CNTNAP2: variants seen among roughly 807,000 people sequenced by gnomAD.
CNTNAP2 encodes contactin associated protein 2, also known as contactin-associated protein-like 2.
Under a neutral mutation model 155.2 loss-of-function variants are expected in CNTNAP2, and 98 were observed. That is an observed-to-expected ratio of 0.63 (90% CI 0.54 to 0.75). CNTNAP2 has a LOEUF of 0.75. CNTNAP2 is among the 30% of genes least tolerant of loss of function. The pLI is 0.00. For missense variants in CNTNAP2, 1,727 were observed against 1,688.1 expected, an observed-to-expected ratio of 1.02 and a Z score of -0.40; for synonymous variants, 651 against 631.2, an observed-to-expected ratio of 1.03 and a Z score of -0.47.
rs368779879 is a variant in CNTNAP2 at position 148,145,972 on chromosome 7, G to A, written c.2555-1519G>A. On this transcript the variant is annotated intron_variant, in intron 16 of 23. Transcript: ENST00000361727. ...GGTACAATTAGGTTGATTAAATTGA[G>A]CTCTGTGTCTAATATCCCTGTAGCT... Among the ~76,000 whole-genome samples the A allele has an allele frequency of 1.8e-4, 28 of 152,344 alleles. No homozygotes were observed. In the South Asian group the frequency reaches 5.8e-3, roughly 32 times the overall value.
chr7:147,380,099 T>C (rs763882986), intron 9 of CNTNAP2, among the ~76,000 whole-genome samples: 27 of 152,120 alleles, frequency 1.8e-4, no homozygotes, highest in Non-Finnish European at 3.5e-4. Context: ...CTGTTTCCTA[T>C]TATGTGATGT....
At chr7:146,307,915 G>A (rs1002594082) in intron 1 of CNTNAP2, among the ~76,000 whole-genome samples, 3 of 152,032 alleles carry the variant, frequency 2.0e-5, no homozygotes, top group African/African-American at 7.2e-5. Context: ...CCATAGGCAT[G>A]GGCAAGGACT....
chr7:147,532,507 G>C (rs1450790007), intron 11 of CNTNAP2, among the ~76,000 whole-genome samples: 1 of 152,148 alleles, frequency 6.6e-6, no homozygotes, highest in Non-Finnish European at 1.5e-5. Context: ...CCTCCAAACT[G>C]TTCCAGCCTC....
chr7:146,939,542 G>A lies in CNTNAP2; in HGVS notation c.402+99638G>A, dbSNP rs898329306. 3.3e-5 allele frequency among the ~76,000 whole-genome samples: 5 copies of A among 152,304 alleles called. 1 individual carries two copies. Among genetic ancestry groups the A allele is most frequent in the Middle Eastern group, 6.8e-3 (2 of 294 alleles). ...TCTATTTAGAAGCACTGCAATAGCTGTGGGAATGTGATTGCCATTTACCTT... is the reference window on the plus strand; with the variant it reads ...TCTATTTAGAAGCACTGCAATAGCTATGGGAATGTGATTGCCATTTACCTT... On this transcript the variant is annotated intron_variant, in intron 3 of 23. Transcript: ENST00000361727.
chr7:147,012,293 T>C (rs553538543), intron 3 of CNTNAP2, among the ~76,000 whole-genome samples: 1 of 152,256 alleles, frequency 6.6e-6, no homozygotes, highest in East Asian at 1.9e-4. Context: ...CATGGTTATA[T>C]AAGAGCATAT....
At chr7:146,695,516 G>A (rs1268844945) in intron 1 of CNTNAP2, among the ~76,000 whole-genome samples, 2 of 152,052 alleles carry the variant, frequency 1.3e-5, no homozygotes, top group East Asian at 1.9e-4. Context: ...CCTGGCTCAG[G>A]TGATTCTCCC....
At chr7:147,246,094 CATAT>C (rs1249276751) in intron 8 of CNTNAP2, among the ~76,000 whole-genome samples, 2 of 147,872 alleles carry the variant, frequency 1.4e-5, no homozygotes, top group African/African-American at 2.5e-5. Context: ...ATATATATGG[CATAT>C]ATATATATAC....
chr7:147,787,610 T>C (rs1797759380), intron 13 of CNTNAP2, among the ~76,000 whole-genome samples: 3 of 152,220 alleles, frequency 2.0e-5, no homozygotes, highest in African/African-American at 7.2e-5. Flanking sequence ...GAAGTAGTTA[T>C]GAGTATGAGG....
intron 15 of CNTNAP2, among the ~76,000 whole-genome samples, chr7:148,031,242 T>G (rs147975097): frequency 2.6e-3 from 397 of 152,296 alleles, no homozygotes; most frequent in African/African-American, 9.0e-3. Flanking sequence ...AAAACACTCC[T>G]GGGCTGTAAA....
At chr7:147,553,788 T>A (rs1187831746) in intron 11 of CNTNAP2, among the ~76,000 whole-genome samples, 1 of 152,028 alleles carries the variant, frequency 6.6e-6, no homozygotes, top group Non-Finnish European at 1.5e-5. Flanking sequence ...CTGGCCAACA[T>A]GGTGAAACCC....
chr7:147,968,350 T>C (rs1222505402), intron 14 of CNTNAP2, among the ~76,000 whole-genome samples: 1 of 152,246 alleles, frequency 6.6e-6, no homozygotes, highest in East Asian at 1.9e-4. Context: ...TACTTTCATT[T>C]CACTGGGGAC....
chr7:147,069,955 C>G (rs1799857463), intron 4 of CNTNAP2, among the ~76,000 whole-genome samples: 1 of 151,814 alleles, frequency 6.6e-6, no homozygotes, highest in South Asian at 2.1e-4. Context: ...TATTAGACAA[C>G]ACAGCATAGA....
intron 13 of CNTNAP2, among the ~76,000 whole-genome samples, chr7:147,814,417 C>T (rs2116611523): frequency 6.6e-6 from 1 of 152,258 alleles, no homozygotes; most frequent in Admixed American, 6.5e-5. Context: ...GGTGTAGCTG[C>T]ATTTGGCATT....
chr7:146,548,496 G>C lies in CNTNAP2; in HGVS notation c.98-225775G>C, dbSNP rs149339133. 3.7e-3 allele frequency among the ~76,000 whole-genome samples: 565 copies of C among 152,018 alleles called. 4 individuals are homozygous for C. Among genetic ancestry groups the C allele is most frequent in the Non-Finnish European group, 6.6e-3 (451 of 67,932 alleles). The stretch of plus-strand genomic sequence containing the variant: ...GGAACATAAATCATTCCATTATTAA[G>C]ACACATGTCTTTTGCTTTTTTCATA... On this transcript the variant is annotated intron_variant, in intron 1 of 23. Coordinates refer to ENST00000361727, the MANE Select transcript of CNTNAP2 (RefSeq NM_014141.6).
intron 1 of CNTNAP2, among the ~76,000 whole-genome samples, chr7:146,558,887 A>G (rs1466396699): frequency 6.6e-6 from 1 of 152,196 alleles, no homozygotes; most frequent in Non-Finnish European, 1.5e-5. Context: ...ACTTAGCACA[A>G]TGTCTACAAG....
intron 1 of CNTNAP2, among the ~76,000 whole-genome samples, chr7:146,654,857 TAGC>T (rs1799970363): frequency 6.6e-6 from 1 of 152,162 alleles, no homozygotes; most frequent in African/African-American, 2.4e-5. Context: ...ATCATATTAT[TAGC>T]AGCTTAGATG....
chr7:148,091,808 A>T (rs1462535172), intron 15 of CNTNAP2, among the ~76,000 whole-genome samples: 1 of 152,192 alleles, frequency 6.6e-6, no homozygotes, highest in Non-Finnish European at 1.5e-5. Flanking sequence ...AAGAGAATCC[A>T]GCAGTGTAGT....
chr7:148,240,385 T>C (rs1228321851), intron 20 of CNTNAP2, among the ~76,000 whole-genome samples: 1 of 152,128 alleles, frequency 6.6e-6, no homozygotes, highest in Non-Finnish European at 1.5e-5. Context: ...AGTCTCCTTA[T>C]CAACATGTAA....
Position 146,348,610 on chromosome 7 carries a change from T to C in CNTNAP2, c.97+231637T>C, listed in dbSNP as rs565558085. ...TAGCATTTATAACTCTTCTTATTTA[T>C]GCTGTTAAGTGTCATGGTATATATT... On this transcript the variant is annotated intron_variant, in intron 1 of 23. Coordinates refer to ENST00000361727, the MANE Select transcript of CNTNAP2 (RefSeq NM_014141.6). Among the ~76,000 whole-genome samples, 12 of 152,228 alleles carry C rather than the reference T, an allele frequency of 7.9e-5. No homozygotes were observed. The South Asian group carries it at 1.2e-3, about 16-fold the overall frequency.
Sources: allele counts gnomAD v4.1 joint callset (sites outside exome capture counted in the v4.1 genomes callset), GRCh38; gene constraint gnomAD v4.1.1; transcripts MANE v1.5; gene names NCBI Gene and HGNC (gene_info 2026-07-23, HGNC 2026-07-21).